The following UTRN variants were observed in gnomAD, a reference collection of about 807,000 sequenced individuals.
UTRN encodes the protein utrophin.
A neutral mutation model predicts 463.9 loss-of-function variants in UTRN; 283 were observed. That is an observed-to-expected ratio of 0.61 (90% confidence interval 0.55 to 0.67). The LOEUF (loss-of-function observed/expected upper bound fraction) is 0.67. Among genes scored for constraint, UTRN ranks in the 30% least tolerant of loss-of-function variants. The pLI is 0.00. For synonymous variants in UTRN, 1,442 were observed against 1,431.5 expected, an observed-to-expected ratio of 1.01 and a Z score of -0.17; for missense variants, 3,922 against 4,084.3, an observed-to-expected ratio of 0.96 and a Z score of 1.08.
chr6:144,694,868 G>GT (rs1297093460), intron 52 of UTRN, among the ~76,000 whole-genome samples: 4 of 151,260 alleles, frequency 2.6e-5, no homozygotes, highest in African/African-American at 4.8e-5. Flanking sequence ...CTTTTGAATG[G>GT]TTTTTTTGTG....
rs1320431621 is a variant in UTRN at position 144,748,213 on chromosome 6, C to A, written c.7940-33C>A. 4 of 1,573,274 alleles carry A rather than the reference C, an allele frequency of 2.5e-6. No individual in the cohort carries two copies. In the African/African-American group the frequency reaches 5.5e-5, roughly 22 times the overall value. ...CTATTAAGAATATATAATCAGACAT[C>A]CAAATTATTCTTTTTCTTTTTTTTA... On this transcript the variant is annotated intron_variant, in intron 54 of 74. Coordinates refer to ENST00000367545, the MANE Select transcript of UTRN (RefSeq NM_007124.3).
In UTRN at chr6:144,485,442, T is replaced by C; in HGVS notation, c.3745T>C (p.Leu1249=). Reference sequence around the variant, plus strand: ...CTATTTGGATCTTGAAACTACCTGGTTAAACACTTTGGAAGAGCGGATGAA... The same window carrying C: ...CTATTTGGATCTTGAAACTACCTGGCTAAACACTTTGGAAGAGCGGATGAA... The part of the protein sequence containing the change: ...LHYLDLETTW[L]NTLEERMKST... Residue 1249 remains leucine, a synonymous_variant, in exon 28 of 75, where the codon TTA becomes CTA. Transcript: ENST00000367545. 1 of 1,614,204 alleles carries C rather than the reference T, an allele frequency of 6.2e-7. No individual in the cohort carries two copies. The highest frequency in any genetic ancestry group is 2.2e-5 in the East Asian group (1 of 44,888).
intron 49 of UTRN, 115 bp from the exon 50 acceptor site, chr6:144,557,042 A>T (rs962505699): frequency 1.5e-6 from 2 of 1,317,684 alleles, no homozygotes; most frequent in African/African-American, 3.0e-5. Flanking sequence ...GTCTGTTTTC[A>T]TCCTGTGATA....
At chr6:144,680,167 A>G (rs1354921262) in intron 52 of UTRN, among the ~76,000 whole-genome samples, 3 of 152,188 alleles carry the variant, frequency 2.0e-5, no homozygotes, top group African/African-American at 7.2e-5. Flanking sequence ...GCCCTAGTGA[A>G]GATGGTATAC....
chr6:144,771,997 C>G, intron 59 of UTRN, 29 bp downstream of exon 59: 1 of 473,518 alleles, frequency 2.1e-6, no homozygotes, highest in East Asian at 4.9e-5. Flanking sequence ...AATAAATTAA[C>G]CTAAACAACT....
chr6:144,842,109 CCAAAAAAAAAAAAAA>C, intron 73 of UTRN, among the ~76,000 whole-genome samples: 1 of 36,936 alleles, frequency 2.7e-5, no homozygotes, highest in East Asian at 1.2e-3. Flanking sequence ...GACTTCCTCT[CCAAAAAAAAAAAAAA>C]AAAAAAAAAA....
intron 2 of UTRN, among the ~76,000 whole-genome samples, chr6:144,330,093 T>A (rs1018107082): frequency 4.6e-5 from 7 of 151,914 alleles, no homozygotes; most frequent in African/African-American, 4.8e-5. Context: ...CTGGAATGAG[T>A]GATAGTTTGA....
At chr6:144,445,069 G>A (rs1195367481) in intron 14 of UTRN, among the ~76,000 whole-genome samples, 1 of 152,140 alleles carries the variant, frequency 6.6e-6, no homozygotes, top group Non-Finnish European at 1.5e-5. Flanking sequence ...AGTAGATACT[G>A]GCCGGGCAGG....
intron 51 of UTRN, among the ~76,000 whole-genome samples, chr6:144,615,316 G>A (rs186062809): frequency 3.7e-4 from 56 of 152,174 alleles, no homozygotes; most frequent in Admixed American, 2.1e-3. Context: ...TAAATGATTG[G>A]ACATGATCTT....
At chr6:144,393,419 A>G (rs1463450245) in intron 2 of UTRN, among the ~76,000 whole-genome samples, 2 of 152,354 alleles carry the variant, frequency 1.3e-5, no homozygotes, top group Admixed American at 1.3e-4. Context: ...AGTTTAACAC[A>G]AGCATATTAC....
rs138455371 is a variant in UTRN at position 144,343,141 on chromosome 6, C to T, written c.79+51234C>T. Among the ~76,000 whole-genome samples the T allele has an allele frequency of 2.2e-4, 33 of 152,080 alleles. No individual in the cohort carries two copies. In the East Asian group the frequency reaches 6.4e-3, roughly 29 times the overall value. ...CCTTTGAATTCAAACCTGTGTGTAT[C>T]CTGACAAAGATACATATTCTATGAA... On this transcript the variant is annotated intron_variant, in intron 2 of 74. Transcript: ENST00000367545.
intron 45 of UTRN, among the ~76,000 whole-genome samples, chr6:144,540,109 G>C (rs1052814556): frequency 6.6e-6 from 1 of 151,390 alleles, no homozygotes; most frequent in African/African-American, 2.4e-5. Context: ...TTTCACACAT[G>C]TATGTTTATT....
rs767636959 is a variant in UTRN, at chr6:144,490,125, A to G, written c.4189A>G (p.Asn1397Asp). 1.2e-6 allele frequency: 2 copies of G among 1,613,858 alleles called. No individual in the cohort carries two copies. Among genetic ancestry groups the G allele is most frequent in the Admixed American group, 3.3e-5 (2 of 59,978 alleles). ...GCTAACCCTAGAGGAGTTGAGAAGA[A>G]ATATGCGTTCTCAGCCCCTGACCTC... ...HELTLEELRR[N>D]MRSQPLTSPE... Residue 1397 changes from asparagine to aspartate, a missense_variant, in exon 31 of 75, where the codon AAT (asparagine) becomes GAT (aspartate). Transcript: ENST00000367545.
intron 51 of UTRN, among the ~76,000 whole-genome samples, chr6:144,644,479 CATA>C (rs1423882385): frequency 3.3e-5 from 5 of 151,912 alleles, no homozygotes; most frequent in African/African-American, 1.2e-4. Context: ...CTGTTAATAT[CATA>C]ATAATCTCAA....
chr6:144,400,984 A>G (rs138602323), intron 2 of UTRN, among the ~76,000 whole-genome samples: 1 of 152,288 alleles, frequency 6.6e-6, no homozygotes, highest in African/African-American at 2.4e-5. Context: ...TGCCCACTTT[A>G]TATCTGGGGA....
chr6:144,557,432 T>TTTTA, intron 50 of UTRN, 121 bp downstream of exon 50: 1 of 1,008,426 alleles, frequency 9.9e-7, no homozygotes, highest in Non-Finnish European at 1.4e-6. Flanking sequence ...TTATTATGTA[T>TTTTA]TTTTATACTG....
At chr6:144,664,471 CTTT>C (rs11446896) in intron 51 of UTRN, among the ~76,000 whole-genome samples, 3 of 141,248 alleles carry the variant, frequency 2.1e-5, no homozygotes, top group African/African-American at 2.6e-5. Context: ...TGTTGTCTTA[CTTT>C]TTTTTTTTTT....
intron 3 of UTRN, among the ~76,000 whole-genome samples, chr6:144,404,175 T>C (rs960606861): frequency 2.6e-5 from 4 of 152,220 alleles, no homozygotes; most frequent in African/African-American, 7.2e-5. Flanking sequence ...TTTGCGAGTT[T>C]ATCTTGAGGG....
intron 44 of UTRN, among the ~76,000 whole-genome samples, chr6:144,538,362 A>AT (rs200494513): frequency 4.6e-5 from 7 of 151,360 alleles, no homozygotes; most frequent in Middle Eastern, 3.4e-3. Flanking sequence ...ATGTGCTCAC[A>AT]TTTTTTTTTA....
Sources: gnomAD v4.1 joint callset for allele counts (sites outside exome capture counted in the v4.1 genomes callset) on GRCh38, gnomAD v4.1.1 for gene constraint, MANE v1.5 for transcripts, NCBI Gene and HGNC (gene_info 2026-07-23, HGNC 2026-07-21) for gene names.